MTUS1: variants seen among roughly 807,000 people sequenced by gnomAD.
MTUS1 encodes microtubule associated scaffold protein 1.
A neutral mutation model predicts 120.8 loss-of-function variants in MTUS1; 109 were observed. That is an observed-to-expected ratio of 0.90 (90% CI 0.77 to 1.06). MTUS1 has a LOEUF of 1.06. Among genes scored for constraint, MTUS1 ranks in the 50% least tolerant of loss-of-function variants. The pLI, the probability that MTUS1 is intolerant of heterozygous loss-of-function variation, is 0.00. For missense variants in MTUS1, 2,210 were observed against 1,486.3 expected, an observed-to-expected ratio of 1.49 and a Z score of -8.01; for synonymous variants, 737 against 550.5, an observed-to-expected ratio of 1.34 and a Z score of -4.74.
Position 17,653,208 on chromosome 8 carries a change from CTTCTT to C in MTUS1, c.3357_3361del (p.Arg1120SerfsTer31), listed in dbSNP as rs1252891685. The C allele has an allele frequency of 6.5e-7, 1 of 1,549,226 alleles. No homozygotes were observed. Among genetic ancestry groups the C allele is most frequent in the African/African-American group, 1.4e-5 (1 of 72,214 alleles). The stretch of plus-strand genomic sequence containing the variant: ...TACCAAATTTGCTTTTTCTCTTGCT[CTTCTT>C]TTTTGTTCTTCTGATTTCAATTTTT... On this transcript the variant is annotated frameshift_variant, in exon 12 of 15. Coordinates refer to ENST00000693296, the MANE Select transcript of MTUS1 (RefSeq NM_001363059.2). LOFTEE classifies it high-confidence loss of function.
chr8:17,693,278 C>A (rs4921805), intron 6 of MTUS1: 51,416 of 152,124 alleles, frequency 0.34, 9,240 homozygotes, highest in Middle Eastern at 0.4. Flanking sequence ...GACGTCATCA[C>A]TGGACTTCTT....
chr8:17,776,678 CAAAAAAAAAAAAAA>C (rs71215272), intron 1 of MTUS1, among the ~76,000 whole-genome samples: 2 of 55,156 alleles, frequency 3.6e-5, no homozygotes, highest in East Asian at 7.6e-4. Context: ...GACTCTGTCT[CAAAAAAAAAAAAAA>C]AAAAAAAAAA....
At chr8:17,718,144 C>G (rs1308413832) in intron 4 of MTUS1, among the ~76,000 whole-genome samples, 1 of 152,078 alleles carries the variant, frequency 6.6e-6, no homozygotes, top group African/African-American at 2.4e-5. Context: ...TCCAGTAAAC[C>G]CCAACTTGAA....
intron 6 of MTUS1, chr8:17,708,654 ATAT>A (rs1345030516): frequency 6.6e-6 from 1 of 152,180 alleles, no homozygotes; most frequent in Non-Finnish European, 1.5e-5. Context: ...TTTTCCCCAG[ATAT>A]TAGGATGTAC....
intron 1 of MTUS1, among the ~76,000 whole-genome samples, chr8:17,763,778 T>A (rs996791350): frequency 2.6e-5 from 4 of 152,208 alleles, no homozygotes; most frequent in Admixed American, 1.3e-4. Flanking sequence ...AGATATTATG[T>A]TTCTATGTGT....
At chr8:17,796,823 G>C (rs1224744619) in intron 1 of MTUS1, among the ~76,000 whole-genome samples, 2 of 151,978 alleles carry the variant, frequency 1.3e-5, no homozygotes, top group Admixed American at 6.6e-5. Context: ...TTTTTAGGCC[G>C]GACTTTTAGG....
chr8:17,770,957 C>G lies in MTUS1; in HGVS notation c.-154-14996G>C, dbSNP rs145085406. 4.3e-4 allele frequency among the ~76,000 whole-genome samples: 65 copies of G among 152,122 alleles called. 2 individuals carry two copies. The East Asian group carries it at 0.011, about 26-fold the overall frequency. On this transcript the variant is annotated intron_variant, in intron 1 of 14. Transcript: ENST00000693296. Reference sequence around the variant, plus strand: ...GGTGACTGCTTCTGGATTAAAGAAACTGGAATATTCCAGTGATTTGGATAA... The same window carrying G: ...GGTGACTGCTTCTGGATTAAAGAAAGTGGAATATTCCAGTGATTTGGATAA...
At chr8:17,654,891 C>G (rs1032306702) in intron 9 of MTUS1, 2 of 553,532 alleles carry the variant, frequency 3.6e-6, no homozygotes, top group African/African-American at 3.8e-5. Flanking sequence ...CAGTTCAAGT[C>G]CAGCCTGGGC....
rs775446303 is a variant in MTUS1, at chr8:17,649,960, T to C, written c.3387A>G (p.Lys1129=). ...KRRAREKANL[K]NPQIMYLEQE... The stretch of plus-strand genomic sequence containing the variant: ...GTTCTAGATACATGATCTGAGGATT[T>C]TTCTGGAAAGGACACAGCAAGATAC... The change falls in exon 13 of 15, where the codon AAA becomes AAG. Residue 1129 remains lysine (K), a splice_region_variant and synonymous_variant. Coordinates refer to ENST00000693296, the MANE Select transcript of MTUS1 (RefSeq NM_001363059.2). 2.6e-6 allele frequency: 4 copies of C among 1,557,288 alleles called. No homozygotes were observed. Among genetic ancestry groups the C allele is most frequent in the Admixed American group, 1.7e-5 (1 of 59,912 alleles).
chr8:17,769,433 C>T (rs1242793296), intron 1 of MTUS1, among the ~76,000 whole-genome samples: 11 of 150,376 alleles, frequency 7.3e-5, no homozygotes, highest in East Asian at 2.0e-4. Context: ...CTGCAAGCTC[C>T]GCCTCCCGGG....
chr8:17,697,576 T>C (rs1818237795), intron 6 of MTUS1: 1 of 1,348,460 alleles, frequency 7.4e-7, no homozygotes, highest in Non-Finnish European at 9.5e-7. Context: ...TGGCTTCCGT[T>C]TTCACTTTCA....
intron 6 of MTUS1, among the ~76,000 whole-genome samples, chr8:17,689,635 A>G (rs1397311825): frequency 6.6e-6 from 1 of 152,184 alleles, no homozygotes; most frequent in Non-Finnish European, 1.5e-5. Context: ...TTAAGAAGGC[A>G]TTGCCTCTCT....
At chr8:17,697,522 G>A (rs1262943860) in intron 6 of MTUS1, 1 of 1,392,348 alleles carries the variant, frequency 7.2e-7, no homozygotes, top group Non-Finnish European at 9.3e-7. Flanking sequence ...TTCCACCAGA[G>A]AGGCATAGAA....
Position 17,754,775 on chromosome 8 carries a change from G to C in MTUS1, c.1033C>G (p.Leu345Val). ...QNLRETVSYC[L>V]IDDECPLMVP... ...ATTAAAGGGCATTCATCATCAATAA[G>C]ACAATAGGACACTGTCTCTCTCAGA... is the stretch of plus-strand genomic sequence containing the variant. The change falls in exon 2 of 15, where the codon CTT becomes GTT. Residue 345 changes from leucine (L) to valine (V), a missense_variant. Physicochemically the swap from Leu to Val is conservative, Grantham distance 32. Coordinates refer to ENST00000693296, the MANE Select transcript of MTUS1 (RefSeq NM_001363059.2). 6.2e-7 allele frequency: 1 copy of C among 1,614,226 alleles called. No individual in the cohort carries two copies. Among genetic ancestry groups the C allele is most frequent in the Non-Finnish European group, 8.5e-7 (1 of 1,180,042 alleles).
chr8:17,697,663 C>T, intron 6 of MTUS1: 1 of 1,149,820 alleles, frequency 8.7e-7, no homozygotes, highest in South Asian at 2.7e-5. Context: ...TGAACCACAT[C>T]ACACTGTGCA....
intron 6 of MTUS1, chr8:17,697,161 A>G (rs776308182): frequency 3.0e-5 from 43 of 1,443,056 alleles, no homozygotes; most frequent in East Asian, 1.9e-4. Flanking sequence ...TTTTCCTCCA[A>G]TTATCTGTCT....
At chr8:17,721,709 T>C in intron 4 of MTUS1, 1 of 1,552,142 alleles carries the variant, frequency 6.4e-7, no homozygotes, top group Non-Finnish European at 8.7e-7. Flanking sequence ...ATCGTCGACC[T>C]ACTTTTTTTC....
chr8:17,770,193 A>C (rs2049921451), intron 1 of MTUS1, among the ~76,000 whole-genome samples: 1 of 152,174 alleles, frequency 6.6e-6, no homozygotes, highest in African/African-American at 2.4e-5. Context: ...TATCCTTTAC[A>C]AAAAGTACAT....
intron 6 of MTUS1, chr8:17,693,259 C>T (rs911321699): frequency 6.6e-6 from 1 of 152,186 alleles, no homozygotes; most frequent in Non-Finnish European, 1.5e-5. Context: ...GACCCTTCTC[C>T]ATGTCAGTGA....
Sources: gnomAD v4.1 joint callset for allele counts (sites outside exome capture counted in the v4.1 genomes callset) on GRCh38, gnomAD v4.1.1 for gene constraint, MANE v1.5 for transcripts, NCBI Gene and HGNC (gene_info 2026-07-23, HGNC 2026-07-21) for gene names.